Variants in AGRP observed in about 807,000 individuals in gnomAD.
AGRP encodes agouti related neuropeptide.
A neutral mutation model predicts 13.6 loss-of-function variants in AGRP; 8 were observed. The observed-to-expected ratio is 0.59, with a 90% confidence interval of 0.35 to 1.06. AGRP has a LOEUF of 1.06. Among genes scored for constraint, AGRP ranks in the 50% least tolerant of loss-of-function variants. AGRP has a pLI of 0.02. For synonymous variants in AGRP, 63 were observed against 72.4 expected (o/e 0.87, Z 0.66); for missense variants, 155 against 174.8 (o/e 0.89, Z 0.64).
chr16:67,482,593 G>C lies in AGRP; in HGVS notation c.*43C>G. 6.2e-6 allele frequency: 10 copies of C among 1,610,756 alleles called. No individual in the cohort carries two copies. The highest frequency in any genetic ancestry group is 8.5e-6 in the Non-Finnish European group (10 of 1,177,174). ...GGGGTTGGTCCCATCCTTTATTCGA[G>C]TTTCCTTGCCCCTACCCTAGCCCCG... is the stretch of plus-strand genomic sequence containing the variant. On this transcript the variant is annotated 3_prime_UTR_variant, in exon 4 of 4. Coordinates refer to ENST00000290953, the MANE Select transcript of AGRP (RefSeq NM_001138.2).
intron 2 of AGRP, 63 bp downstream of exon 2, chr16:67,483,206 G>A (rs1468177922): frequency 9.4e-6 from 15 of 1,601,606 alleles, no homozygotes; most frequent in Non-Finnish European, 1.3e-5. Context: ...TTATGCCAGG[G>A]GAGACTATTT....
At chr16:67,482,966 C>A in intron 3 of AGRP, 59 bp downstream of exon 3, 1 of 1,578,158 alleles carries the variant, frequency 6.3e-7, no homozygotes, top group South Asian at 1.1e-5. Context: ...GGGAGAGGAG[C>A]TAATACCCAA....
chr16:67,482,920 C>T lies in AGRP; in HGVS notation c.217-102G>A, dbSNP rs937350841. 57 of 1,565,730 alleles carry T rather than the reference C, an allele frequency of 3.6e-5. 1 individual carries two copies. The highest frequency in any genetic ancestry group is 4.7e-5 in the Non-Finnish European group (54 of 1,138,158). On this transcript the variant is annotated intron_variant, in intron 3 of 3. Coordinates refer to ENST00000290953, the MANE Select transcript of AGRP (RefSeq NM_001138.2). ...GCAGTGGAGCATGGGAAGGGGTGGTCGGTAGTGTCGTCGCTGGTGAGGGAG... is the reference window on the plus strand; with the variant it reads ...GCAGTGGAGCATGGGAAGGGGTGGTTGGTAGTGTCGTCGCTGGTGAGGGAG...
chr16:67,482,714 C>T lies in AGRP; in HGVS notation c.321G>A (p.Thr107=), dbSNP rs745432077. The T allele has an allele frequency of 1.7e-5, 27 of 1,614,066 alleles. No homozygotes were observed. Among genetic ancestry groups the T allele is most frequent in the Middle Eastern group, 1.6e-4 (1 of 6,084 alleles). The change falls in exon 4 of 4, where the codon ACG becomes ACA. Residue 107 remains threonine (T), a synonymous_variant. Coordinates refer to ENST00000290953, the MANE Select transcript of AGRP (RefSeq NM_001138.2). ...QQVPCCDPCA[T]CYCRFFNAFC... Reference sequence around the variant, plus strand: ...AGGCATTGAAGAAGCGGCAGTAGCACGTGGCACATGGGTCACAGCAAGGCA... The same window carrying T: ...AGGCATTGAAGAAGCGGCAGTAGCATGTGGCACATGGGTCACAGCAAGGCA...
Position 67,483,043 on chromosome 16 carries a change from C to T in AGRP, c.198G>A (p.Glu66=), listed in dbSNP as rs2041521584. Residue 66 remains glutamate, a synonymous_variant, in exon 3 of 4, where the codon GAG becomes GAA. Coordinates refer to ENST00000290953, the MANE Select transcript of AGRP (RefSeq NM_001138.2). ...CAGTTACCTCTGCCAAGGCCTGAGCCTCCTGCAACAGATCCTCTTCTGCCT... is the reference window on the plus strand; with the variant it reads ...CAGTTACCTCTGCCAAGGCCTGAGCTTCCTGCAACAGATCCTCTTCTGCCT... ...AEQAEEDLLQ[E]AQALAEVLDL... is the part of the protein sequence containing the mutation. 6.2e-7 allele frequency: 1 copy of T among 1,614,110 alleles called. No homozygotes were observed. Among genetic ancestry groups the T allele is most frequent in the African/African-American group, 1.3e-5 (1 of 74,936 alleles).
chr16:67,482,891 G>T lies in AGRP; in HGVS notation c.217-73C>A. On this transcript the variant is annotated intron_variant, in intron 3 of 3. Transcript: ENST00000290953. ...ATCTTACCTGTCCCAACCTGTGCAG[G>T]ATGGCAGTGGAGCATGGGAAGGGGT... The T allele has an allele frequency of 2.5e-6, 4 of 1,588,930 alleles. No homozygotes were observed. The South Asian group carries it at 4.4e-5, about 18-fold the overall frequency.
Position 67,482,749 on chromosome 16 carries a change from C to T in AGRP, c.286G>A (p.Gly96Arg), listed in dbSNP as rs768146316. The T allele has an allele frequency of 1.3e-5, 21 of 1,614,198 alleles. No individual in the cohort carries two copies. The Middle Eastern group carries it at 4.9e-4, about 38-fold the overall frequency. ...GGGTCACAGCAAGGCACCTGCTGTC[C>T]CAGGCAGGACTCATGCAGCCTTACG... ...RCVRLHESCL[G>R]QQVPCCDPCA... Residue 96 changes from glycine to arginine, a missense_variant, in exon 4 of 4, where the codon GGA (glycine) becomes AGA (arginine). By Grantham distance (125) the Gly-to-Arg change is moderately radical. Transcript: ENST00000290953.
chr16:67,482,991 G>A (rs998129832), intron 3 of AGRP, 34 bp downstream of exon 3: 10 of 1,608,824 alleles, frequency 6.2e-6, no homozygotes, highest in Middle Eastern at 3.3e-4. Context: ...CCCTCCCAAG[G>A]GCCACCACCT....
chr16:67,483,282 G>A lies in AGRP; in HGVS notation c.117C>T (p.Leu39=), dbSNP rs138969354. 691 of 1,587,766 alleles carry A rather than the reference G, an allele frequency of 4.4e-4. No homozygotes were observed. The highest frequency in any genetic ancestry group is 5.1e-4 in the Non-Finnish European group (601 of 1,167,908). ...GCTCACACTGACCTGGGAGCTCTGG[G>A]AGCAGGGCCTGGTCAGGCCTTCTGA... is the stretch of plus-strand genomic sequence containing the variant. ...EGIRRPDQAL[L]PELPGLGLRA... The change falls in exon 2 of 4, where the codon CTC becomes CTT. Residue 39 remains leucine, a synonymous_variant. Coordinates refer to ENST00000290953, the MANE Select transcript of AGRP (RefSeq NM_001138.2).
At position 67,482,798 on chromosome 16, in the gene AGRP, GCGGTCCTGC is replaced by G. The variant is rs778591661; in HGVS notation, c.228_236del (p.Gln77_Arg79del). The G allele has an allele frequency of 1.2e-6, 2 of 1,614,096 alleles. No homozygotes were observed. Among genetic ancestry groups the G allele is most frequent in the South Asian group, 2.2e-5 (2 of 91,088 alleles). ...CGCAGCGACGTGAGGAGCGGGGCTC[GCGGTCCTGC>G]AGGTCTAGTACCTGCAGGGGTGGGG... is the stretch of plus-strand genomic sequence containing the variant. On this transcript the variant is annotated inframe_deletion, in exon 4 of 4. Transcript: ENST00000290953.
chr16:67,483,177 G>C, intron 2 of AGRP, 67 bp from the exon 3 acceptor site: 1 of 1,610,964 alleles, frequency 6.2e-7, no homozygotes, highest in South Asian at 1.1e-5. Context: ...GGGAGGGTTT[G>C]GGAAGGGAGA....
chr16:67,483,272 G>A lies in AGRP; in HGVS notation c.127C>T (p.Pro43Ser). Reference protein sequence around the residue: ...RPDQALLPELPGLGLRAPLKK... With the variant: ...RPDQALLPELSGLGLRAPLKK... ...TCCCACCCTTGCTCACACTGACCTG[G>A]GAGCTCTGGGAGCAGGGCCTGGTCA... The change falls in exon 2 of 4, where the codon CCA becomes TCA. Residue 43 changes from proline (P) to serine (S), a missense_variant. By Grantham distance (74) the Pro-to-Ser change is moderately conservative. Coordinates refer to ENST00000290953, the MANE Select transcript of AGRP (RefSeq NM_001138.2). 3 of 1,585,722 alleles carry A rather than the reference G, an allele frequency of 1.9e-6. No homozygotes were observed. Among genetic ancestry groups the A allele is most frequent in the Non-Finnish European group, 2.6e-6 (3 of 1,166,686 alleles).
At chr16:67,482,884 T>A in intron 3 of AGRP, 66 bp from the exon 4 acceptor site, 1 of 1,594,676 alleles carries the variant, frequency 6.3e-7, no homozygotes, top group East Asian at 2.2e-5. Flanking sequence ...TGTCCCAACC[T>A]GTGCAGGATG....
In AGRP at chr16:67,483,290, C is replaced by G; in HGVS notation, c.109G>C (p.Ala37Pro). Residue 37 changes from alanine (A) to proline (P), a missense_variant, in exon 2 of 4, where the codon GCC (alanine) becomes CCC (proline). Ala to Pro is a conservative substitution (Grantham distance 27, BLOSUM62 -1). Coordinates refer to ENST00000290953, the MANE Select transcript of AGRP (RefSeq NM_001138.2). ...TGACCTGGGAGCTCTGGGAGCAGGG[C>G]CTGGTCAGGCCTTCTGATGCCCTCC... The part of the protein sequence containing the change: ...PMEGIRRPDQ[A>P]LLPELPGLGL... The G allele has an allele frequency of 6.3e-7, 1 of 1,586,996 alleles. No individual in the cohort carries two copies. Among genetic ancestry groups the G allele is most frequent in the South Asian group, 1.2e-5 (1 of 86,892 alleles).
rs2041507025 is a variant in AGRP at position 67,482,601 on chromosome 16, G to GC, written c.*34dup. The GC allele has an allele frequency of 1.2e-6, 2 of 1,612,440 alleles. No homozygotes were observed. The highest frequency in any genetic ancestry group is 8.5e-7 in the Non-Finnish European group (1 of 1,178,680). On this transcript the variant is annotated 3_prime_UTR_variant, in exon 4 of 4. Transcript: ENST00000290953. Reference sequence around the variant, plus strand: ...TCCCATCCTTTATTCGAGTTTCCTTGCCCCTACCCTAGCCCCGACCCTGAC... The same window carrying GC: ...TCCCATCCTTTATTCGAGTTTCCTTGCCCCCTACCCTAGCCCCGACCCTGAC...
At position 67,482,809 on chromosome 16, in the gene AGRP, G is replaced by T. The variant is rs1320352848; in HGVS notation, c.226C>A (p.Leu76Met). Residue 76 changes from leucine (L) to methionine (M), a missense_variant, in exon 4 of 4, where the codon CTG becomes ATG. Physicochemically the swap from Leu to Met is conservative, Grantham distance 15. Coordinates refer to ENST00000290953, the MANE Select transcript of AGRP (RefSeq NM_001138.2). ...EAQALAEVLDLQDREPRSSRR... is the reference protein window; with the variant it reads ...EAQALAEVLDMQDREPRSSRR... ...GAGGAGCGGGGCTCGCGGTCCTGCA[G>T]GTCTAGTACCTGCAGGGGTGGGGAA... is the stretch of plus-strand genomic sequence containing the variant. 2.5e-6 allele frequency: 4 copies of T among 1,613,960 alleles called. No homozygotes were observed. The highest frequency in any genetic ancestry group is 3.4e-6 in the Non-Finnish European group (4 of 1,180,006).
At chr16:67,483,474 A>C in intron 1 of AGRP, 43 bp downstream of exon 1, 4 of 1,420,294 alleles carry the variant, frequency 2.8e-6, no homozygotes, top group East Asian at 2.4e-5. Flanking sequence ...CCAGATAGAG[A>C]CCCCACAGAG....
At chr16:67,482,936 G>T in intron 3 of AGRP, 89 bp downstream of exon 3, 1 of 1,564,956 alleles carries the variant, frequency 6.4e-7, no homozygotes, top group Non-Finnish European at 8.8e-7. Context: ...TGTCGTCGCT[G>T]GTGAGGGAGT....
At chr16:67,482,882 C>T in intron 3 of AGRP, 64 bp from the exon 4 acceptor site, 1 of 1,599,662 alleles carries the variant, frequency 6.3e-7, no homozygotes, top group Non-Finnish European at 8.6e-7. Context: ...CCTGTCCCAA[C>T]CTGTGCAGGA....
Sources: allele counts gnomAD v4.1 joint callset, GRCh38; gene constraint gnomAD v4.1.1; transcripts MANE v1.5; gene names NCBI Gene and HGNC (gene_info 2026-07-23, HGNC 2026-07-21).